SLC24A2: variants seen among roughly 807,000 people sequenced by gnomAD.
SLC24A2 encodes sodium/potassium/calcium exchanger 2.
In SLC24A2, 36 loss-of-function variants were observed where a neutral mutation model predicts 62.0. The observed-to-expected ratio is 0.58, with a 90% CI of 0.44 to 0.77. The LOEUF is 0.77. SLC24A2 is among the 30% of genes least tolerant of loss of function. The pLI, the probability that SLC24A2 is intolerant of heterozygous loss-of-function variation, is 0.00. For synonymous variants in SLC24A2, 358 were observed against 294.0 expected (o/e 1.22, Z -2.23); for missense variants, 846 against 817.9 (o/e 1.03, Z -0.42).
the SLC24A2 span, among the ~76,000 whole-genome samples, chr9:20,275,671 T>C: frequency 2.6e-5 from 4 of 152,238 alleles, no homozygotes; most frequent in African/African-American, 9.6e-5. Context: ...ACTGACATCT[T>C]TGAAATTCTA....
the SLC24A2 span, among the ~76,000 whole-genome samples, chr9:20,018,485 G>C: frequency 6.6e-6 from 1 of 152,060 alleles, no homozygotes; most frequent in African/African-American, 2.4e-5. Context: ...CACCTCCCAT[G>C]CTGTTGCTTC....
the SLC24A2 span, among the ~76,000 whole-genome samples, chr9:19,930,911 T>C: frequency 6.6e-6 from 1 of 152,210 alleles, no homozygotes; most frequent in African/African-American, 2.4e-5. Context: ...TGGGGGAAAC[T>C]ATTAATTTTA....
At chr9:20,203,410 A>G in the SLC24A2 span, among the ~76,000 whole-genome samples, 2 of 152,200 alleles carry the variant, frequency 1.3e-5, no homozygotes, top group Non-Finnish European at 2.9e-5. Context: ...ATACCAAAAC[A>G]TTAACTTGTT....
At chr9:20,301,124 A>T in the SLC24A2 span, among the ~76,000 whole-genome samples, 5 of 152,214 alleles carry the variant, frequency 3.3e-5, no homozygotes, top group African/African-American at 1.2e-4. Context: ...CCCCAAGCAA[A>T]CAAGAGCAAA....
At chr9:19,703,776 G>A (rs970288148) in intron 2 of SLC24A2, among the ~76,000 whole-genome samples, 1 of 152,144 alleles carries the variant, frequency 6.6e-6, no homozygotes, top group Non-Finnish European at 1.5e-5. Context: ...ATATATGACA[G>A]GAAGTACTAT....
intron 2 of SLC24A2, among the ~76,000 whole-genome samples, chr9:19,695,010 T>C (rs745696867): frequency 6.8e-6 from 1 of 145,994 alleles, no homozygotes; most frequent in African/African-American, 2.5e-5. Context: ...GGATTTAAAT[T>C]TGGGGCAAAT....
chr9:20,138,711 G>C, the SLC24A2 span, among the ~76,000 whole-genome samples: 1 of 152,058 alleles, frequency 6.6e-6, no homozygotes, highest in South Asian at 2.1e-4. Context: ...GGGAACTAAG[G>C]TTTCATTTAT....
At chr9:20,106,948 C>A in the SLC24A2 span, among the ~76,000 whole-genome samples, 3 of 152,242 alleles carry the variant, frequency 2.0e-5, no homozygotes, top group Non-Finnish European at 2.9e-5. Flanking sequence ...ATCTAGAAAA[C>A]CCCATTGTCT....
At chr9:20,195,323 G>C in the SLC24A2 span, among the ~76,000 whole-genome samples, 1 of 152,118 alleles carries the variant, frequency 6.6e-6, no homozygotes, top group Admixed American at 6.5e-5. Flanking sequence ...AGTCCAATCA[G>C]TGATTTAGGA....
At chr9:19,574,498 G>A (rs758770922) in intron 6 of SLC24A2, among the ~76,000 whole-genome samples, 2 of 152,128 alleles carry the variant, frequency 1.3e-5, no homozygotes, top group Non-Finnish European at 2.9e-5. Context: ...TTCTTCATCT[G>A]TAAAACTGGG....
At chr9:20,300,465 T>C in the SLC24A2 span, among the ~76,000 whole-genome samples, 1,668 of 152,286 alleles carry the variant, frequency 0.011, 38 homozygotes, top group African/African-American at 0.038. Flanking sequence ...GGTATACCCA[T>C]AGACTCTTAC....
chr9:19,923,593 T>A, the SLC24A2 span, among the ~76,000 whole-genome samples: 1 of 152,158 alleles, frequency 6.6e-6, no homozygotes. Context: ...GTTGAAGCAG[T>A]CACAAGCCCA....
chr9:19,638,803 ATACG>A (rs1818421138), intron 2 of SLC24A2, among the ~76,000 whole-genome samples: 1 of 141,772 alleles, frequency 7.1e-6, no homozygotes, highest in Non-Finnish European at 1.5e-5. Flanking sequence ...ATAAGATGAC[ATACG>A]TAAAATTCCT....
intron 2 of SLC24A2, among the ~76,000 whole-genome samples, chr9:19,761,381 G>T (rs1450312705): frequency 1.3e-5 from 2 of 151,676 alleles, no homozygotes; most frequent in African/African-American, 4.8e-5. Context: ...ATCTCATTGT[G>T]GTTTTGATTT....
the SLC24A2 span, among the ~76,000 whole-genome samples, chr9:19,850,944 TA>T: frequency 3.5e-5 from 2 of 56,348 alleles, no homozygotes; most frequent in African/African-American, 1.4e-4. Flanking sequence ...TATATATATA[TA>T]CATATATATA....
intron 2 of SLC24A2, among the ~76,000 whole-genome samples, chr9:19,629,148 T>C (rs2117969188): frequency 1.3e-5 from 2 of 152,256 alleles, no homozygotes. Context: ...TTGGACAATT[T>C]TTCCAAGGCC....
the SLC24A2 span, among the ~76,000 whole-genome samples, chr9:20,101,950 A>G: frequency 1.3e-5 from 2 of 152,176 alleles, no homozygotes; most frequent in African/African-American, 2.4e-5. Context: ...AACAGTGGAG[A>G]GAAAGATCTC....
chr9:19,992,681 T>A, the SLC24A2 span, among the ~76,000 whole-genome samples: 2 of 152,204 alleles, frequency 1.3e-5, no homozygotes, highest in Non-Finnish European at 2.9e-5. Context: ...TACTTACTCA[T>A]CTCATAGGAA....
intron 5 of SLC24A2, among the ~76,000 whole-genome samples, chr9:19,586,181 T>C (rs1383881361): frequency 2.0e-5 from 3 of 152,186 alleles, no homozygotes; most frequent in African/African-American, 7.2e-5. Flanking sequence ...TCATAGCACC[T>C]GATACCTATC....
Sources: allele counts gnomAD v4.1 joint callset (sites outside exome capture counted in the v4.1 genomes callset), GRCh38; gene constraint gnomAD v4.1.1; transcripts MANE v1.5; gene names NCBI Gene and HGNC (gene_info 2026-07-23, HGNC 2026-07-21).